The following RAB30 variants were observed in gnomAD, a reference collection of about 807,000 sequenced individuals.
The protein encoded by RAB30 is ras-related protein Rab-30.
In RAB30, 9 loss-of-function variants were observed where a neutral mutation model predicts 25.1. The observed-to-expected ratio is 0.36, with a 90% CI of 0.22 to 0.63. RAB30 has a LOEUF of 0.63. Among genes scored for constraint, RAB30 ranks in the 20% least tolerant of loss-of-function variants. RAB30 has a pLI of 0.69. For missense variants in RAB30, 140 were observed against 243.5 expected (o/e 0.58, Z 2.83); for synonymous variants, 77 against 86.4 (o/e 0.89, Z 0.60).
In RAB30 at chr11:83,015,428, G is replaced by C. The variant is rs573680943; in HGVS notation, c.-8-18104C>G. The stretch of plus-strand genomic sequence containing the variant: ...ACCTAGATATTTGACTTGAGCACAT[G>C]GGGGGATAATGGCACCACTTTCTGA... On this transcript the variant is annotated intron_variant, in intron 1 of 4. Transcript: ENST00000527633. 6.1e-5 allele frequency among the ~76,000 whole-genome samples: 7 copies of C among 114,692 alleles called. No individual in the cohort carries two copies. The South Asian group carries it at 1.8e-3, about 30-fold the overall frequency. The allele number at this position is 114,692 out of a possible 152,430, so 75.2% of individuals were successfully genotyped here. A position where few individuals can be genotyped will look rare whatever the true frequency, so the allele number is the denominator to read the frequency against.
intron 4 of RAB30, chr11:82,987,306 C>T (rs1856756618): frequency 1.2e-5 from 3 of 241,120 alleles, no homozygotes; most frequent in East Asian, 1.6e-4. Context: ...TGTAATTAGA[C>T]TTTTTAAATT....
intron 1 of RAB30, among the ~76,000 whole-genome samples, chr11:83,007,373 A>G (rs1857206469): frequency 6.6e-6 from 1 of 152,264 alleles, no homozygotes; most frequent in South Asian, 2.1e-4. Context: ...TGAAAAATAA[A>G]GCAGGCCTGA....
intron 3 of RAB30, among the ~76,000 whole-genome samples, chr11:82,992,106 T>C (rs1246356027): frequency 6.6e-6 from 1 of 151,982 alleles, no homozygotes; most frequent in Non-Finnish European, 1.5e-5. Context: ...GGAAGTAAAA[T>C]GCATGAAATA....
Position 82,974,139 on chromosome 11 carries a change from G to A in RAB30, c.*8026C>T, listed in dbSNP as rs777192707. On this transcript the variant is annotated 3_prime_UTR_variant, in exon 5 of 5. Coordinates refer to ENST00000527633, the MANE Select transcript of RAB30 (RefSeq NM_001286060.2). ...TGCAAATGGTATGGGGTTTCTTTTGGAGGTGATGAAAGTGTTCTGAAGTTA... is the reference window on the plus strand; with the variant it reads ...TGCAAATGGTATGGGGTTTCTTTTGAAGGTGATGAAAGTGTTCTGAAGTTA... 1 of 152,110 alleles carries A rather than the reference G, an allele frequency of 6.6e-6. No individual in the cohort carries two copies. Among genetic ancestry groups the A allele is most frequent in the East Asian group, 1.9e-4 (1 of 5,198 alleles). 9.4% of individuals were successfully genotyped at this position (152,110 alleles called of 1,614,324 possible). A position where few individuals can be genotyped will look rare whatever the true frequency, so the allele number is the denominator to read the frequency against.
At chr11:83,026,929 C>T (rs1249398345) in intron 1 of RAB30, among the ~76,000 whole-genome samples, 1 of 152,080 alleles carries the variant, frequency 6.6e-6, no homozygotes, top group Non-Finnish European at 1.5e-5. Context: ...ATGTGGAATT[C>T]AGCTGATTTA....
At chr11:83,020,298 TCCTTATG>T (rs1857542228) in intron 1 of RAB30, among the ~76,000 whole-genome samples, 1 of 152,256 alleles carries the variant, frequency 6.6e-6, no homozygotes, top group Admixed American at 6.5e-5. Flanking sequence ...TCTCCCCCAC[TCCTTATG>T]CCTGCTCTAA....
intron 1 of RAB30, among the ~76,000 whole-genome samples, chr11:83,053,973 C>T (rs1476464100): frequency 6.6e-6 from 1 of 152,064 alleles, no homozygotes; most frequent in African/African-American, 2.4e-5. Context: ...GCCTGTAATC[C>T]CAGCTACTCA....
At chr11:83,050,842 T>C (rs1858342694) in intron 1 of RAB30, among the ~76,000 whole-genome samples, 1 of 152,120 alleles carries the variant, frequency 6.6e-6, no homozygotes, top group African/African-American at 2.4e-5. Flanking sequence ...AATGCAATCA[T>C]TTGGTGTGGC....
At chr11:83,028,053 T>C (rs897092810) in intron 1 of RAB30, among the ~76,000 whole-genome samples, 1 of 152,052 alleles carries the variant, frequency 6.6e-6, no homozygotes, top group African/African-American at 2.4e-5. Context: ...ATACAGACCA[T>C]GGCAAACACA....
rs1856507348 is a variant in RAB30 at position 82,974,471 on chromosome 11, T to C, written c.*7694A>G. On this transcript the variant is annotated 3_prime_UTR_variant, in exon 5 of 5. Coordinates refer to ENST00000527633, the MANE Select transcript of RAB30 (RefSeq NM_001286060.2). ...GATCAATATATGAACACATAAAATA[T>C]GATGTAGTATACTGTTAATATTTGC... The C allele has an allele frequency of 6.6e-6, 1 of 152,154 alleles. No individual in the cohort carries two copies. Among genetic ancestry groups the C allele is most frequent in the Non-Finnish European group, 1.5e-5 (1 of 68,020 alleles). The allele number at this position is 152,154 out of a possible 1,614,324, so 9.4% of individuals were successfully genotyped here.
At chr11:82,988,772 C>G (rs1352478081) in intron 3 of RAB30, among the ~76,000 whole-genome samples, 1 of 152,130 alleles carries the variant, frequency 6.6e-6, no homozygotes, top group Non-Finnish European at 1.5e-5. Flanking sequence ...TCAACAAAAA[C>G]AATAATCTTT....
In RAB30 at chr11:82,980,030, T is replaced by C. The variant is rs1856612500; in HGVS notation, c.*2135A>G. 6.6e-6 allele frequency: 1 copy of C among 152,190 alleles called. No individual in the cohort carries two copies. The allele number at this position is 152,190 out of a possible 1,614,324, so 9.4% of individuals were successfully genotyped here. A position where few individuals can be genotyped will look rare whatever the true frequency, so the allele number is the denominator to read the frequency against. The stretch of plus-strand genomic sequence containing the variant: ...ACACACTTGCAACTGTGAGACAAAG[T>C]TGGGTCATCATGTGCTGGGGACACT... On this transcript the variant is annotated 3_prime_UTR_variant, in exon 5 of 5. Coordinates refer to ENST00000527633, the MANE Select transcript of RAB30 (RefSeq NM_001286060.2).
chr11:83,007,719 G>C (rs1857215126), intron 1 of RAB30, among the ~76,000 whole-genome samples: 1 of 152,204 alleles, frequency 6.6e-6, no homozygotes, highest in South Asian at 2.1e-4. Context: ...GGGCTAATTT[G>C]TTTCGTACCA....
At chr11:83,008,982 T>C (rs887778926) in intron 1 of RAB30, among the ~76,000 whole-genome samples, 7 of 152,140 alleles carry the variant, frequency 4.6e-5, no homozygotes, top group African/African-American at 1.7e-4. Flanking sequence ...AATTCCCATA[T>C]ACGTTAGACT....
chr11:82,987,252 T>C (rs1010743600), intron 4 of RAB30: 11 of 170,304 alleles, frequency 6.5e-5, no homozygotes, highest in Admixed American at 1.3e-4. Context: ...CCATATCAAC[T>C]TAAAAGATAC....
At chr11:83,071,389 A>C (rs1458517534) in intron 1 of RAB30, 1 of 151,786 alleles carries the variant, frequency 6.6e-6, no homozygotes, top group Non-Finnish European at 1.5e-5. Context: ...CCTTCCTCAG[A>C]TTTTCCAAGA....
intron 1 of RAB30, among the ~76,000 whole-genome samples, chr11:83,009,754 G>A (rs148957613): frequency 6.6e-6 from 1 of 152,162 alleles, no homozygotes; most frequent in Admixed American, 6.5e-5. Flanking sequence ...AACAGGTGAA[G>A]TAGAAAGAGG....
At chr11:82,984,532 T>A (rs940383541) in intron 4 of RAB30, among the ~76,000 whole-genome samples, 3 of 152,192 alleles carry the variant, frequency 2.0e-5, no homozygotes, top group African/African-American at 7.2e-5. Flanking sequence ...TCCTGTGTCC[T>A]TCTAAGTGAA....
At chr11:83,019,860 G>A (rs1326363860) in intron 1 of RAB30, among the ~76,000 whole-genome samples, 1 of 152,170 alleles carries the variant, frequency 6.6e-6, no homozygotes, top group Non-Finnish European at 1.5e-5. Context: ...ATCTCTTACA[G>A]GCCGAATGAC....
Sources: gnomAD v4.1 joint callset for allele counts (sites outside exome capture counted in the v4.1 genomes callset) on GRCh38, gnomAD v4.1.1 for gene constraint, MANE v1.5 for transcripts, NCBI Gene and HGNC (gene_info 2026-07-23, HGNC 2026-07-21) for gene names.